CSMD3: variants seen among roughly 807,000 people sequenced by gnomAD.
CSMD3 encodes the protein CUB and Sushi multiple domains 3, also known as CUB and sushi domain-containing protein 3.
CSMD3 carries 177 observed loss-of-function variants against 435.2 expected under a neutral mutation model. The ratio of observed to expected loss-of-function variants is 0.41; its 90% CI spans 0.36 to 0.46. The LOEUF (loss-of-function observed/expected upper bound fraction) is 0.46, where lower values mean the gene tolerates loss of function less well. Among genes scored for constraint, CSMD3 ranks in the 20% least tolerant of loss-of-function variants. The probability of loss-of-function intolerance (pLI) is 0.34; values close to 1 mark genes in which losing one functional copy is unlikely to be tolerated. For missense variants in CSMD3, 4,265 were observed against 4,504.6 expected (o/e 0.95, Z 1.52); for synonymous variants, 1,656 against 1,520.5 (o/e 1.09, Z -2.07).
intron 14 of CSMD3, among the ~76,000 whole-genome samples, chr8:112,688,614 T>G (rs1339289892): frequency 6.6e-6 from 1 of 152,156 alleles, no homozygotes; most frequent in East Asian, 1.9e-4. Context: ...GTAAGTTTTA[T>G]AATTTTTTGT....
At chr8:112,482,528 G>A (rs1041022782) in intron 31 of CSMD3, among the ~76,000 whole-genome samples, 10 of 152,042 alleles carry the variant, frequency 6.6e-5, no homozygotes, top group South Asian at 4.2e-4. Flanking sequence ...ATTAGTAGTC[G>A]CACGCTGTTG....
At chr8:113,161,486 C>G (rs1461341183) in intron 4 of CSMD3, among the ~76,000 whole-genome samples, 1 of 151,964 alleles carries the variant, frequency 6.6e-6, no homozygotes, top group East Asian at 1.9e-4. Flanking sequence ...AGTATATAAA[C>G]TTAAATATAT....
At chr8:113,332,306 T>TAA (rs201831037) in intron 1 of CSMD3, among the ~76,000 whole-genome samples, 13,646 of 133,332 alleles carry the variant, frequency 0.1, 820 homozygotes, top group Middle Eastern at 0.15. Context: ...TTCAATTGGT[T>TAA]AAAAAAAAAA....
rs2078930288 is a variant in CSMD3, at chr8:112,800,293, A to G, written c.1860-19T>C. On this transcript the variant is annotated intron_variant, in intron 12 of 70. Transcript: ENST00000297405. ...AGTCAGCCTAAAAAGAGATGGACAA[A>G]GAAGGGAGAGATGGGTTATTAAAAC... 1.4e-6 allele frequency: 2 copies of G among 1,452,518 alleles called. No homozygotes were observed. Among genetic ancestry groups the G allele is most frequent in the African/African-American group, 1.4e-5 (1 of 71,746 alleles). The allele number at this position is 1,452,518 out of a possible 1,614,324, so 90.0% of individuals were successfully genotyped here. A position where few individuals can be genotyped will look rare whatever the true frequency, so the allele number is the denominator to read the frequency against.
At chr8:112,636,630 T>C (rs2074668179) in intron 22 of CSMD3, among the ~76,000 whole-genome samples, 187 bp downstream of exon 22, 4 of 151,916 alleles carry the variant, frequency 2.6e-5, no homozygotes, top group African/African-American at 2.4e-5. Context: ...ATAAGCATGG[T>C]TTCTTGAATG....
intron 1 of CSMD3, among the ~76,000 whole-genome samples, chr8:113,315,297 C>A (rs2093900780): frequency 6.6e-6 from 1 of 152,056 alleles, no homozygotes; most frequent in South Asian, 2.1e-4. Flanking sequence ...ATCTGTCTCA[C>A]CCTGATTATA....
chr8:112,733,873 A>C (rs914738225), intron 13 of CSMD3, among the ~76,000 whole-genome samples: 5 of 151,976 alleles, frequency 3.3e-5, no homozygotes, highest in African/African-American at 9.7e-5. Context: ...AAACATACAT[A>C]ATAATAATAA....
In CSMD3 at chr8:112,292,578, T is replaced by C. The variant is rs143583837; in HGVS notation, c.8747A>G (p.Gln2916Arg). 142 of 1,613,926 alleles carry C rather than the reference T, an allele frequency of 8.8e-5. 1 individual carries two copies. In the East Asian group the frequency reaches 2.8e-3, roughly 32 times the overall value. The change falls in exon 55 of 71, where the codon CAG becomes CGG. Residue 2916 changes from glutamine to arginine, a missense_variant. Around this residue, in one of 3 missense-constraint regions of CSMD3, gnomAD observed 3,255 missense variants for 3,380.2 expected, o/e 0.96. Coordinates refer to ENST00000297405, the MANE Select transcript of CSMD3 (RefSeq NM_198123.2). ...AGGATGGCTCCACTGTCTGTTGGCC[T>C]GGCACTGTGCCTTTGTTGGCCCTTG... is the stretch of plus-strand genomic sequence containing the variant. The part of the protein sequence containing the change: ...LMQGPTKAQC[Q>R]ANRQWSHPPP...
At chr8:113,372,163 A>G (rs758808038) in intron 1 of CSMD3, among the ~76,000 whole-genome samples, 52 of 152,318 alleles carry the variant, frequency 3.4e-4, no homozygotes, top group Non-Finnish European at 6.8e-4. Context: ...TTTTTATATC[A>G]GAAAACAAGC....
chr8:113,220,220 C>T (rs985416137), intron 3 of CSMD3, among the ~76,000 whole-genome samples: 1 of 151,300 alleles, frequency 6.6e-6, no homozygotes, highest in Non-Finnish European at 1.5e-5. Flanking sequence ...ACAGAGGCAC[C>T]CTCACAGAAA....
At chr8:112,784,940 C>T (rs528457065) in intron 13 of CSMD3, among the ~76,000 whole-genome samples, 9 of 151,968 alleles carry the variant, frequency 5.9e-5, no homozygotes, top group Admixed American at 2.0e-4. Context: ...GATATCAAAA[C>T]GAGACAAAGA....
chr8:112,467,875 A>G (rs1175630414), intron 32 of CSMD3, among the ~76,000 whole-genome samples: 1 of 152,134 alleles, frequency 6.6e-6, no homozygotes, highest in African/African-American at 2.4e-5. Context: ...GCTTCTCTAG[A>G]GCCGCCAGAG....
chr8:112,526,568 C>T (rs997855622), intron 27 of CSMD3, among the ~76,000 whole-genome samples: 2 of 151,832 alleles, frequency 1.3e-5, no homozygotes, highest in African/African-American at 4.8e-5. Context: ...ATACAACAAC[C>T]AATTCCTAGT....
intron 6 of CSMD3, among the ~76,000 whole-genome samples, chr8:112,988,526 C>T (rs918157983): frequency 1.3e-5 from 2 of 152,038 alleles, no homozygotes; most frequent in African/African-American, 4.8e-5. Context: ...AAAGTATCTG[C>T]TGCTCAATAG....
At chr8:112,839,702 A>G (rs937684629) in intron 11 of CSMD3, among the ~76,000 whole-genome samples, 3 of 151,630 alleles carry the variant, frequency 2.0e-5, no homozygotes, top group African/African-American at 4.8e-5. Context: ...TGGGGTCATC[A>G]TGGTCTAGGA....
chr8:113,209,099 T>C (rs373524653), intron 3 of CSMD3, among the ~76,000 whole-genome samples: 1 of 152,058 alleles, frequency 6.6e-6, no homozygotes, highest in Non-Finnish European at 1.5e-5. Context: ...ATTATAATGG[T>C]TGATGTTATT....
intron 22 of CSMD3, among the ~76,000 whole-genome samples, chr8:112,633,625 A>C (rs2074576744): frequency 6.6e-6 from 1 of 152,086 alleles, no homozygotes; most frequent in Non-Finnish European, 1.5e-5. Flanking sequence ...TGTTTAAAGA[A>C]AAATTTTATT....
chr8:112,785,431 A>G (rs1587287523), intron 13 of CSMD3, among the ~76,000 whole-genome samples: 2 of 152,092 alleles, frequency 1.3e-5, no homozygotes, highest in Non-Finnish European at 2.9e-5. Context: ...AAGGGAAAGA[A>G]ATAAAGGGCA....
intron 38 of CSMD3, among the ~76,000 whole-genome samples, chr8:112,355,221 A>G (rs1219049643): frequency 6.6e-6 from 1 of 152,228 alleles, no homozygotes; most frequent in Non-Finnish European, 1.5e-5. Context: ...AGATATTTAA[A>G]TGTAAGACAT....
Sources: gnomAD v4.1 joint callset for allele counts (sites outside exome capture counted in the v4.1 genomes callset) on GRCh38, gnomAD v4.1.1 for gene constraint, gnomAD v4.1.1 regional missense constraint, MANE v1.5 for transcripts, NCBI Gene and HGNC (gene_info 2026-07-23, HGNC 2026-07-21) for gene names.